The following SUCLG2 variants were observed in gnomAD, a reference collection of about 807,000 sequenced individuals.
SUCLG2 encodes succinate-CoA ligase GDP-forming subunit beta, also known as succinate--CoA ligase [GDP-forming] subunit beta, mitochondrial.
A neutral mutation model predicts 47.9 loss-of-function variants in SUCLG2; 42 were observed. The ratio of observed to expected loss-of-function variants is 0.88; its 90% CI spans 0.69 to 1.14. The LOEUF (loss-of-function observed/expected upper bound fraction) is 1.14. SUCLG2 is among the 50% of genes most tolerant of loss of function. The pLI is 0.00. For synonymous variants in SUCLG2, 195 were observed against 197.3 expected (o/e 0.99, Z 0.10); for missense variants, 571 against 525.9 (o/e 1.09, Z -0.84).
intron 1 of SUCLG2, among the ~76,000 whole-genome samples, chr3:67,626,144 C>T (rs927442400): frequency 1.3e-5 from 2 of 151,902 alleles, no homozygotes; most frequent in Non-Finnish European, 2.9e-5. Flanking sequence ...CTCAGCCTCC[C>T]GAGTAGCTGG....
rs955704356 is a variant in SUCLG2, at chr3:67,651,045, T to C, written c.84+3458A>G. Among the ~76,000 whole-genome samples the C allele has an allele frequency of 3.3e-5, 5 of 152,188 alleles. No individual in the cohort carries two copies. The South Asian group carries it at 6.2e-4, about 19-fold the overall frequency. ...TATATGGACACAGCAACATGGCCCC[T>C]GTCTACCAGGATTTAGGTCTTTGGA... On this transcript the variant is annotated intron_variant, in intron 1 of 10. Coordinates refer to ENST00000307227, the MANE Select transcript of SUCLG2 (RefSeq NM_003848.4).
chr3:67,394,536 C>G (rs1200405039), intron 10 of SUCLG2, among the ~76,000 whole-genome samples: 1 of 151,372 alleles, frequency 6.6e-6, no homozygotes, highest in Non-Finnish European at 1.5e-5. Context: ...AAGATCAAAT[C>G]TACGTCTCAT....
intron 1 of SUCLG2, among the ~76,000 whole-genome samples, chr3:67,618,736 TC>T (rs1452595085): frequency 6.6e-6 from 1 of 152,218 alleles, no homozygotes; most frequent in Admixed American, 6.5e-5. Context: ...ATTACTGTTT[TC>T]CATTTTAAAG....
chr3:67,464,512 A>T (rs960625363), intron 9 of SUCLG2, among the ~76,000 whole-genome samples: 3 of 152,186 alleles, frequency 2.0e-5, no homozygotes, highest in African/African-American at 4.8e-5. Flanking sequence ...AGTCTCAAAG[A>T]TCTCCCTCAA....
At position 67,590,229 on chromosome 3, in the gene SUCLG2, A is replaced by T. The variant is rs531766574; in HGVS notation, c.226+19226T>A. On this transcript the variant is annotated intron_variant, in intron 2 of 10. Transcript: ENST00000307227. ...ACATACAAATAAAAAACATAATTTT[A>T]AAATATTTCTATTATGTTCTTTCCC... 3.6e-3 allele frequency among the ~76,000 whole-genome samples: 553 copies of T among 152,320 alleles called. 2 individuals are homozygous for T. Among genetic ancestry groups the T allele is most frequent in the African/African-American group, 0.013 (527 of 41,572 alleles).
chr3:67,577,380 C>A (rs2107249715), intron 2 of SUCLG2, among the ~76,000 whole-genome samples: 1 of 152,070 alleles, frequency 6.6e-6, no homozygotes, highest in African/African-American at 2.4e-5. Flanking sequence ...GGAATATTCT[C>A]TACTACAAAA....
intron 9 of SUCLG2, among the ~76,000 whole-genome samples, chr3:67,469,807 A>G (rs1485314117): frequency 1.3e-5 from 2 of 151,662 alleles, no homozygotes; most frequent in African/African-American, 4.8e-5. Flanking sequence ...GCACTTTGGG[A>G]GGCTGAGGCA....
intron 6 of SUCLG2, among the ~76,000 whole-genome samples, chr3:67,511,854 G>GT (rs1705801170): frequency 2.7e-5 from 4 of 146,782 alleles, no homozygotes; most frequent in South Asian, 2.1e-4. Flanking sequence ...TGTGTGGGGG[G>GT]GTGTGTGTGT....
At chr3:67,530,677 T>G (rs1056902518) in intron 2 of SUCLG2, among the ~76,000 whole-genome samples, 1 of 152,208 alleles carries the variant, frequency 6.6e-6, no homozygotes, top group Non-Finnish European at 1.5e-5. Flanking sequence ...CTATATTTGC[T>G]TACACTCAGA....
At chr3:67,512,012 G>A (rs1392700673) in intron 6 of SUCLG2, among the ~76,000 whole-genome samples, 1 of 151,026 alleles carries the variant, frequency 6.6e-6, no homozygotes, top group African/African-American at 2.5e-5. Context: ...ACTAGGCTGA[G>A]CTAATTTTTT....
rs773234166 is a variant in SUCLG2 at position 67,498,199 on chromosome 3, A to G, written c.854T>C (p.Ile285Thr). Residue 285 changes from isoleucine (I) to threonine (T), a missense_variant, in exon 8 of 11, where the codon ATT becomes ACT. Ile to Thr is a moderately conservative substitution (Grantham distance 89). Transcript: ENST00000307227. The stretch of plus-strand genomic sequence containing the variant: ...ATCATATTTGGCAGCTTCATTTTCA[A>G]TGGGCTCATTCTCTGATTTGTCGTC... Reference protein sequence around the residue: ...AMDDKSENEPIENEAAKYDLK... With the variant: ...AMDDKSENEPTENEAAKYDLK... The G allele has an allele frequency of 2.5e-6, 4 of 1,613,804 alleles. No individual in the cohort carries two copies. The South Asian group carries it at 4.4e-5, about 18-fold the overall frequency.
At chr3:67,370,616 C>G (rs144983882), downstream of SUCLG2, among the ~76,000 whole-genome samples, 1 of 152,322 alleles carries the variant, frequency 6.6e-6, no homozygotes, top group Non-Finnish European at 1.5e-5. Context: ...CATAGCATGT[C>G]TTTTCCTAGA....
intron 1 of SUCLG2, among the ~76,000 whole-genome samples, chr3:67,616,551 A>C (rs1419069102): frequency 1.3e-5 from 2 of 152,202 alleles, no homozygotes; most frequent in Non-Finnish European, 2.9e-5. Context: ...AATTTAAAAA[A>C]ATTTTTTTAA....
At chr3:67,623,144 T>C (rs1010114855) in intron 1 of SUCLG2, among the ~76,000 whole-genome samples, 7 of 152,066 alleles carry the variant, frequency 4.6e-5, no homozygotes, top group Non-Finnish European at 7.4e-5. Flanking sequence ...CTCAGGTGAG[T>C]CTCTGTGGTG....
At chr3:67,544,766 G>A (rs956281293) in intron 2 of SUCLG2, among the ~76,000 whole-genome samples, 1 of 152,180 alleles carries the variant, frequency 6.6e-6, no homozygotes, top group Non-Finnish European at 1.5e-5. Flanking sequence ...TTCATGGTTT[G>A]CTGTTTAAAC....
intron 10 of SUCLG2, among the ~76,000 whole-genome samples, chr3:67,386,536 C>T (rs902926214): frequency 2.6e-5 from 4 of 152,204 alleles, no homozygotes; most frequent in Non-Finnish European, 5.9e-5. Context: ...CAAAGTTCCA[C>T]ATGGCTGAGG....
At chr3:67,493,923 C>T (rs577297132) in intron 9 of SUCLG2, among the ~76,000 whole-genome samples, 4 of 152,266 alleles carry the variant, frequency 2.6e-5, no homozygotes, top group East Asian at 1.9e-4. Context: ...GTTCTTTTTG[C>T]GAATACCTTC....
At chr3:67,597,057 A>AG (rs1003426683) in intron 2 of SUCLG2, among the ~76,000 whole-genome samples, 1 of 152,234 alleles carries the variant, frequency 6.6e-6, no homozygotes, top group Non-Finnish European at 1.5e-5. Context: ...GAGAACCCAC[A>AG]GAAGGTGAAG....
intron 2 of SUCLG2, among the ~76,000 whole-genome samples, chr3:67,593,769 T>C (rs1241410418): frequency 1.3e-5 from 2 of 152,228 alleles, no homozygotes; most frequent in African/African-American, 2.4e-5. Flanking sequence ...TCAAGAGCAG[T>C]TGGTCACCCC....
Sources: allele counts gnomAD v4.1 joint callset (sites outside exome capture counted in the v4.1 genomes callset), GRCh38; gene constraint gnomAD v4.1.1; transcripts MANE v1.5; gene names NCBI Gene and HGNC (gene_info 2026-07-23, HGNC 2026-07-21).